The following RAP1A variants were observed in gnomAD, a reference collection of about 807,000 sequenced individuals.
RAP1A encodes the protein RAP1A, member of RAS oncogene family, also known as ras-related protein Rap-1A.
In RAP1A, 6 loss-of-function variants were observed where a neutral mutation model predicts 26.4. The observed-to-expected ratio is 0.23, with a 90% CI of 0.12 to 0.45. RAP1A has a LOEUF of 0.45. Ranked by LOEUF, RAP1A falls within the 20% of genes least tolerant of loss-of-function variation. RAP1A has a pLI of 0.99. For synonymous variants in RAP1A, 73 were observed against 79.4 expected, an observed-to-expected ratio of 0.92 and a Z score of 0.43; for missense variants, 121 against 217.2, an observed-to-expected ratio of 0.56 and a Z score of 2.78.
At chr1:111,682,483 T>C (rs1239222936) in intron 1 of RAP1A, among the ~76,000 whole-genome samples, 1 of 150,508 alleles carries the variant, frequency 6.6e-6, no homozygotes, top group Non-Finnish European at 1.5e-5. Context: ...TGGAGGAATA[T>C]TTACCAAGCA....
At chr1:111,649,437 C>A in intron 1 of RAP1A, 1 of 356,532 alleles carries the variant, frequency 2.8e-6, no homozygotes, top group South Asian at 2.6e-5. Context: ...ATCTGGGAAC[C>A]AGAGCCCCCA....
In RAP1A at chr1:111,691,365, G is replaced by A. The variant is rs375728545; in HGVS notation, c.5G>A (p.Arg2His). M[R>H]EYKLVVLGSG... is the part of the protein sequence containing the mutation. ...AGTATTTAAACAGATCACATCATGCGTGAGTACAAGCTAGTGGTCCTTGGT... is the reference window on the plus strand; with the variant it reads ...AGTATTTAAACAGATCACATCATGCATGAGTACAAGCTAGTGGTCCTTGGT... Residue 2 changes from arginine (R) to histidine (H), a missense_variant, in exon 2 of 8, where the codon CGT becomes CAT. By Grantham distance (29) the Arg-to-His change is conservative (BLOSUM62 0). Transcript: ENST00000369709. 118 of 1,613,138 alleles carry A rather than the reference G, an allele frequency of 7.3e-5. No homozygotes were observed. The highest frequency in any genetic ancestry group is 9.2e-5 in the Non-Finnish European group (109 of 1,179,378).
intron 1 of RAP1A, among the ~76,000 whole-genome samples, chr1:111,642,547 G>T (rs1415915829): frequency 1.3e-5 from 2 of 151,186 alleles, no homozygotes; most frequent in Non-Finnish European, 2.9e-5. Flanking sequence ...GAGTTCAGTG[G>T]CACTATCTTA....
At chr1:111,581,946 T>C (rs957869169) in intron 1 of RAP1A, among the ~76,000 whole-genome samples, 1 of 152,232 alleles carries the variant, frequency 6.6e-6, no homozygotes, top group Non-Finnish European at 1.5e-5. Context: ...ATTAGCTCCA[T>C]TAACTAGGGA....
chr1:111,559,371 C>T (rs912409819), intron 1 of RAP1A, among the ~76,000 whole-genome samples: 25 of 152,226 alleles, frequency 1.6e-4, no homozygotes, highest in East Asian at 1.9e-4. Context: ...TAGGCATTTA[C>T]GATTCAGCAG....
At chr1:111,557,585 G>A (rs950635536) in intron 1 of RAP1A, among the ~76,000 whole-genome samples, 19 of 151,258 alleles carry the variant, frequency 1.3e-4, no homozygotes, top group African/African-American at 4.1e-4. Flanking sequence ...GGAAAATAAA[G>A]AAAATTTTGG....
intron 1 of RAP1A, among the ~76,000 whole-genome samples, chr1:111,605,423 T>C (rs1277015996): frequency 6.6e-6 from 1 of 152,214 alleles, no homozygotes; most frequent in Non-Finnish European, 1.5e-5. Flanking sequence ...AATTTTCCAA[T>C]CATTTTGGTC....
chr1:111,624,409 T>G (rs887272233), intron 1 of RAP1A, among the ~76,000 whole-genome samples: 2 of 152,236 alleles, frequency 1.3e-5, no homozygotes, highest in African/African-American at 4.8e-5. Flanking sequence ...ATTAGCTCAT[T>G]TACATTTTGA....
At chr1:111,548,111 C>G (rs1323439661) in intron 1 of RAP1A, among the ~76,000 whole-genome samples, 1 of 152,246 alleles carries the variant, frequency 6.6e-6, no homozygotes, top group Non-Finnish European at 1.5e-5. Context: ...ACCTCCACCT[C>G]CTGGGTTCAA....
intron 1 of RAP1A, among the ~76,000 whole-genome samples, chr1:111,684,515 G>A (rs1661407262): frequency 6.6e-6 from 1 of 152,138 alleles, no homozygotes; most frequent in Non-Finnish European, 1.5e-5. Flanking sequence ...CAAATCATGA[G>A]TGAACTCCCA....
chr1:111,635,403 G>A (rs908878217), intron 1 of RAP1A, among the ~76,000 whole-genome samples: 4 of 152,200 alleles, frequency 2.6e-5, no homozygotes, highest in Non-Finnish European at 5.9e-5. Context: ...TGCATGTAGT[G>A]CCTACCAGTT....
At chr1:111,700,554 T>A (rs1661988924) in intron 4 of RAP1A, among the ~76,000 whole-genome samples, 1 of 152,194 alleles carries the variant, frequency 6.6e-6, no homozygotes, top group African/African-American at 2.4e-5. Flanking sequence ...CACTGGGGAT[T>A]ACATTTCAGC....
chr1:111,552,023 C>A (rs1657282618), intron 1 of RAP1A, among the ~76,000 whole-genome samples: 1 of 152,190 alleles, frequency 6.6e-6, no homozygotes, highest in African/African-American at 2.4e-5. Flanking sequence ...CTCATTTAGG[C>A]TTTTCTCCCA....
At chr1:111,643,160 A>G (rs971767661) in intron 1 of RAP1A, among the ~76,000 whole-genome samples, 23 of 152,272 alleles carry the variant, frequency 1.5e-4, no homozygotes, top group African/African-American at 4.6e-4. Context: ...CTCTGCTGTT[A>G]TAGGGTGAAA....
At chr1:111,710,362 C>A (rs1017238565) in intron 7 of RAP1A, among the ~76,000 whole-genome samples, 1 of 152,158 alleles carries the variant, frequency 6.6e-6, no homozygotes, top group Non-Finnish European at 1.5e-5. Flanking sequence ...AAGTGAGAAA[C>A]CAGGATCTAT....
intron 1 of RAP1A, among the ~76,000 whole-genome samples, chr1:111,673,390 G>A (rs1367858423): frequency 1.3e-5 from 2 of 152,216 alleles, no homozygotes; most frequent in East Asian, 3.9e-4. Context: ...TATAAGTTCA[G>A]TTCTACAGGA....
intron 1 of RAP1A, among the ~76,000 whole-genome samples, chr1:111,574,135 A>G (rs546610036): frequency 4.6e-5 from 7 of 152,268 alleles, no homozygotes; most frequent in South Asian, 2.1e-4. Flanking sequence ...ATTTTTGTAT[A>G]TAGTGTAAAG....
chr1:111,595,498 GA>G (rs914219859), intron 1 of RAP1A, among the ~76,000 whole-genome samples: 1 of 151,706 alleles, frequency 6.6e-6, no homozygotes, highest in African/African-American at 2.4e-5. Context: ...TTCAATGAGT[GA>G]AAAAAAACAG....
Position 111,714,047 on chromosome 1 carries a change from C to A in RAP1A, c.*1646C>A, listed in dbSNP as rs930389827. On this transcript the variant is annotated 3_prime_UTR_variant, in exon 8 of 8. Coordinates refer to ENST00000369709, the MANE Select transcript of RAP1A (RefSeq NM_002884.4). ...AGGCATGTGGTCAGCCTGTCACTTACTAAACTGAAATTTTAAAATCAGGTT... is the reference window on the plus strand; with the variant it reads ...AGGCATGTGGTCAGCCTGTCACTTAATAAACTGAAATTTTAAAATCAGGTT... 6.6e-6 allele frequency: 1 copy of A among 152,182 alleles called. No individual in the cohort carries two copies. The allele number at this position is 152,182 out of a possible 1,614,324, so 9.4% of individuals were successfully genotyped here. A position where few individuals can be genotyped will look rare whatever the true frequency, so the allele number is the denominator to read the frequency against.
Sources: gnomAD v4.1 joint callset for allele counts (sites outside exome capture counted in the v4.1 genomes callset) on GRCh38, gnomAD v4.1.1 for gene constraint, MANE v1.5 for transcripts, NCBI Gene and HGNC (gene_info 2026-07-23, HGNC 2026-07-21) for gene names.